GPCPD1: variants seen among roughly 807,000 people sequenced by gnomAD.
GPCPD1 encodes glycerophosphocholine phosphodiesterase 1.
GPCPD1 carries 29 observed loss-of-function variants against 89.2 expected under a neutral mutation model. The ratio of observed to expected loss-of-function variants is 0.33; its 90% CI spans 0.24 to 0.44. GPCPD1 has a LOEUF of 0.44. Ranked by LOEUF, GPCPD1 falls within the 20% of genes least tolerant of loss-of-function variation. GPCPD1 has a pLI of 1.00. For synonymous variants in GPCPD1, 258 were observed against 266.3 expected, an observed-to-expected ratio of 0.97 and a Z score of 0.30; for missense variants, 594 against 808.9, an observed-to-expected ratio of 0.73 and a Z score of 3.22.
In GPCPD1 at chr20:5,570,245, A is replaced by C. The variant is rs1986632897; in HGVS notation, c.1057-6T>G. The C allele has an allele frequency of 6.8e-7, 1 of 1,466,638 alleles. No homozygotes were observed. Among genetic ancestry groups the C allele is most frequent in the South Asian group, 1.2e-5 (1 of 86,300 alleles). 90.9% of individuals were successfully genotyped at this position (1,466,638 alleles called of 1,614,324 possible). A position where few individuals can be genotyped will look rare whatever the true frequency, so the allele number is the denominator to read the frequency against. On this transcript the variant is annotated splice_polypyrimidine_tract_variant and splice_region_variant and intron_variant, in intron 11 of 19. Coordinates refer to ENST00000379019, the MANE Select transcript of GPCPD1 (RefSeq NM_019593.5). ...AATTCTACAAAGGCTGCACCCTGAC[A>C]GAAGGAAGCAAGTATTTGAAAAACA...
At chr20:5,582,214 A>T (rs1034545645) in intron 6 of GPCPD1, among the ~76,000 whole-genome samples, 1 of 147,842 alleles carries the variant, frequency 6.8e-6, no homozygotes, top group Non-Finnish European at 1.5e-5. Context: ...AAAAAAAAAA[A>T]AAAAACTACT....
At chr20:5,580,364 A>C (rs117714306) in intron 6 of GPCPD1, among the ~76,000 whole-genome samples, 1,953 of 152,312 alleles carry the variant, frequency 0.013, 27 homozygotes, top group Non-Finnish European at 0.022. Flanking sequence ...GAAGGAAAAC[A>C]ATCCTTTCAG....
At chr20:5,565,402 T>A (rs984781008) in intron 14 of GPCPD1, among the ~76,000 whole-genome samples, 14 of 151,788 alleles carry the variant, frequency 9.2e-5, no homozygotes, top group Non-Finnish European at 1.6e-4. Context: ...CAGCTCATTT[T>A]AAAAATTTTT....
At chr20:5,547,979 T>C in intron 19 of GPCPD1, 129 bp from the exon 20 acceptor site, 1 of 507,230 alleles carries the variant, frequency 2.0e-6, no homozygotes, top group Non-Finnish European at 3.5e-6. Context: ...AGAGTTTTTG[T>C]TTTGTTTTAA....
At position 5,577,313 on chromosome 20, in the gene GPCPD1, G is replaced by A. The variant is rs561804415; in HGVS notation, c.705+1067C>T. ...TGGGATTACAAGCATGAGCCACCGC[G>A]CCCGGCCAAAAACGTTTTTTTTAAA... On this transcript the variant is annotated intron_variant, in intron 8 of 19. Coordinates refer to ENST00000379019, the MANE Select transcript of GPCPD1 (RefSeq NM_019593.5). 2.2e-4 allele frequency among the ~76,000 whole-genome samples: 34 copies of A among 151,380 alleles called. 1 individual carries two copies. Among genetic ancestry groups the A allele is most frequent in the African/African-American group, 6.3e-4 (26 of 41,320 alleles).
chr20:5,557,749 C>T (rs966367396), intron 19 of GPCPD1, among the ~76,000 whole-genome samples, 196 bp downstream of exon 19: 13 of 152,332 alleles, frequency 8.5e-5, no homozygotes, highest in African/African-American at 3.1e-4. Flanking sequence ...AAGGCCCAGT[C>T]ATTTGAATCC....
chr20:5,591,854 T>A (rs1979350256), intron 4 of GPCPD1, among the ~76,000 whole-genome samples: 2 of 152,194 alleles, frequency 1.3e-5, no homozygotes, highest in South Asian at 4.1e-4. Context: ...AGCCCCTGCA[T>A]CACACGGTAC....
chr20:5,546,079 A>G lies in GPCPD1; in HGVS notation c.*1582T>C, dbSNP rs958362311. 2 of 152,202 alleles carry G rather than the reference A, an allele frequency of 1.3e-5. No individual in the cohort carries two copies. The highest frequency in any genetic ancestry group is 4.8e-5 in the African/African-American group (2 of 41,430). 9.4% of individuals were successfully genotyped at this position (152,202 alleles called of 1,614,324 possible). A position where few individuals can be genotyped will look rare whatever the true frequency, so the allele number is the denominator to read the frequency against. On this transcript the variant is annotated 3_prime_UTR_variant, in exon 20 of 20. Transcript: ENST00000379019. ...AGTTTTCCAAAAGTGCCCAATTCACACCAAAATTTTGGAAAATCTCATACA... is the reference window on the plus strand; with the variant it reads ...AGTTTTCCAAAAGTGCCCAATTCACGCCAAAATTTTGGAAAATCTCATACA...
At chr20:5,606,970 A>G (rs1323374305) in intron 1 of GPCPD1, among the ~76,000 whole-genome samples, 1 of 152,220 alleles carries the variant, frequency 6.6e-6, no homozygotes, top group Admixed American at 6.5e-5. Flanking sequence ...TTTGGTTAGA[A>G]TACCCAATAC....
intron 1 of GPCPD1, 108 bp from the exon 2 acceptor site, chr20:5,604,548 T>G: frequency 2.3e-6 from 1 of 429,776 alleles, no homozygotes; most frequent in Non-Finnish European, 4.3e-6. Flanking sequence ...AAAAGCAATA[T>G]TTAATGTCTT....
chr20:5,584,765 T>C (rs1473832191), intron 5 of GPCPD1: 1 of 153,228 alleles, frequency 6.5e-6, no homozygotes, highest in Non-Finnish European at 1.5e-5. Context: ...ATCCCAACTA[T>C]TCACTACTGC....
At chr20:5,565,226 CCT>C in intron 14 of GPCPD1, 148 bp from the exon 15 acceptor site, 1 of 571,148 alleles carries the variant, frequency 1.8e-6, no homozygotes, top group Non-Finnish European at 3.1e-6. Context: ...CTCTGAGATC[CCT>C]TTTTTTTTTT....
intron 2 of GPCPD1, among the ~76,000 whole-genome samples, chr20:5,600,723 T>G (rs1042574514): frequency 1.3e-5 from 2 of 152,038 alleles, no homozygotes; most frequent in African/African-American, 4.8e-5. Context: ...TCCCAGTTAC[T>G]CAGGAGGCTG....
At chr20:5,593,712 G>A (rs923350846) in intron 3 of GPCPD1, among the ~76,000 whole-genome samples, 5 of 152,194 alleles carry the variant, frequency 3.3e-5, no homozygotes, top group African/African-American at 1.2e-4. Flanking sequence ...TTTTAATGAG[G>A]AAGCGCTGTC....
At position 5,547,832 on chromosome 20, in the gene GPCPD1, AG is replaced by A; in HGVS notation, c.1847del (p.Pro616LeufsTer15). 1 of 1,596,998 alleles carries A rather than the reference AG, an allele frequency of 6.3e-7. No homozygotes were observed. The highest frequency in any genetic ancestry group is 8.6e-7 in the Non-Finnish European group (1 of 1,166,536). The stretch of plus-strand genomic sequence containing the variant: ...CCACTTGGAATATATTTGGTTGTTC[AG>A]GCATCCAATCATATATCCTATGATG... ...LIYDRIYDWM[P>X]EQPNIFQVEQ... On this transcript the variant is annotated frameshift_variant, in exon 20 of 20. Transcript: ENST00000379019. LOFTEE classifies it high-confidence loss of function.
chr20:5,557,144 T>C (rs953553474), intron 19 of GPCPD1, among the ~76,000 whole-genome samples: 4 of 152,334 alleles, frequency 2.6e-5, no homozygotes, highest in Middle Eastern at 3.4e-3. Flanking sequence ...GGGTGGCAGA[T>C]TGGCTCATAT....
chr20:5,604,765 C>G (rs886366166), intron 1 of GPCPD1, among the ~76,000 whole-genome samples: 1 of 106,402 alleles, frequency 9.4e-6, no homozygotes, highest in Non-Finnish European at 2.0e-5. Flanking sequence ...TATAGTGAGG[C>G]CTCATGTCTA....
chr20:5,604,890 C>T (rs1167092882), intron 1 of GPCPD1, among the ~76,000 whole-genome samples: 1 of 151,524 alleles, frequency 6.6e-6, no homozygotes, highest in South Asian at 2.1e-4. Context: ...GATGTTGAGG[C>T]TGTAGTGAGC....
Position 5,554,232 on chromosome 20 carries a change from C to T in GPCPD1, c.1829+3713G>A, listed in dbSNP as rs10470056. Among the ~76,000 whole-genome samples, 65 of 87,416 alleles carry T rather than the reference C, an allele frequency of 7.4e-4. 21 individuals are homozygous for T. The highest frequency in any genetic ancestry group is 3.5e-3 in the African/African-American group (65 of 18,490). 57.3% of individuals were successfully genotyped at this position (87,416 alleles called of 152,430 possible). A position where few individuals can be genotyped will look rare whatever the true frequency, so the allele number is the denominator to read the frequency against. On this transcript the variant is annotated intron_variant, in intron 19 of 19. Transcript: ENST00000379019. ...ATCTCCTGACCTTGTGATCCGCTCA[C>T]CTCGGCCTCCCAGAGTGCTGGGATT...
Sources: allele counts gnomAD v4.1 joint callset (sites outside exome capture counted in the v4.1 genomes callset), GRCh38; gene constraint gnomAD v4.1.1; transcripts MANE v1.5; gene names NCBI Gene and HGNC (gene_info 2026-07-23, HGNC 2026-07-21).